Variants in DDX51 observed in about 807,000 individuals in gnomAD.
DDX51 encodes DEAD-box helicase 51.
In DDX51, 67 loss-of-function variants were observed where a neutral mutation model predicts 74.6. The ratio of observed to expected loss-of-function variants is 0.90; its 90% CI spans 0.74 to 1.10. The LOEUF (loss-of-function observed/expected upper bound fraction) is 1.10, where lower values mean the gene tolerates loss of function less well. Among genes scored for constraint, DDX51 ranks in the 50% least tolerant of loss-of-function variants. The probability of loss-of-function intolerance (pLI) is 0.00; values close to 1 mark genes in which losing one functional copy is unlikely to be tolerated. For synonymous variants in DDX51, 545 were observed against 402.9 expected (o/e 1.35, Z -4.22); for missense variants, 1,056 against 905.2 (o/e 1.17, Z -2.14).
chr12:132,140,406 C>G lies in DDX51; in HGVS notation c.1673+17G>C. On this transcript the variant is annotated intron_variant, in intron 11 of 14. Transcript: ENST00000397333. ...ACCCCCACCCCACAGAGGCCTTGCC[C>G]CTGCCCAGGAACTCACAGCTGGATC... 6.2e-7 allele frequency: 1 copy of G among 1,612,630 alleles called. No homozygotes were observed. Among genetic ancestry groups the G allele is most frequent in the South Asian group, 1.1e-5 (1 of 91,054 alleles).
intron 14 of DDX51, 114 bp downstream of exon 14, chr12:132,139,521 C>T (rs777926703): frequency 5.6e-6 from 9 of 1,596,302 alleles, no homozygotes; most frequent in Non-Finnish European, 6.9e-6. Flanking sequence ...CTGTGTGACC[C>T]TCTGTTGCCT....
chr12:132,142,039 C>T (rs928758605), intron 5 of DDX51, 80 bp downstream of exon 5: 4 of 1,601,676 alleles, frequency 2.5e-6, no homozygotes, highest in African/African-American at 2.7e-5. Flanking sequence ...TAATCTGGGT[C>T]CCCCAGGGGC....
Position 132,140,752 on chromosome 12 carries a change from G to A in DDX51, c.1441-17C>T, listed in dbSNP as rs1593419521. ...GTAGTGGTGCTACAGGGACGGCAGG[G>A]GGTCGGGGTGGAGGTGAGGGTTGGT... is the stretch of plus-strand genomic sequence containing the variant. On this transcript the variant is annotated splice_polypyrimidine_tract_variant and intron_variant, in intron 9 of 14. Transcript: ENST00000397333. The A allele has an allele frequency of 1.9e-6, 3 of 1,613,040 alleles. No individual in the cohort carries two copies. Among genetic ancestry groups the A allele is most frequent in the Middle Eastern group, 1.7e-4 (1 of 6,060 alleles).
Position 132,142,287 on chromosome 12 carries a change from G to C in DDX51, c.806C>G (p.Pro269Arg). 6.2e-7 allele frequency: 1 copy of C among 1,613,106 alleles called. No homozygotes were observed. Among genetic ancestry groups the C allele is most frequent in the Non-Finnish European group, 8.5e-7 (1 of 1,179,968 alleles). The stretch of plus-strand genomic sequence containing the variant: ...GACCCTCACACAGACCTGCACCACA[G>C]GGATGACGAAGGCCAGTGTCTTCCC... Reference protein sequence around the residue: ...GSGKTLAFVIPVVQALLSRVV... With the variant: ...GSGKTLAFVIRVVQALLSRVV... Residue 269 changes from proline to arginine, a missense_variant, in exon 4 of 15, where the codon CCT (proline) becomes CGT (arginine). Coordinates refer to ENST00000397333, the MANE Select transcript of DDX51 (RefSeq NM_175066.4).
In DDX51 at chr12:132,139,058, C is replaced by G. The variant is rs1402716319; in HGVS notation, c.*214G>C. 3.1e-6 allele frequency: 2 copies of G among 643,256 alleles called. No homozygotes were observed. Among genetic ancestry groups the G allele is most frequent in the Non-Finnish European group, 5.3e-6 (2 of 379,872 alleles). 39.8% of individuals were successfully genotyped at this position (643,256 alleles called of 1,614,324 possible). A position where few individuals can be genotyped will look rare whatever the true frequency, so the allele number is the denominator to read the frequency against. On this transcript the variant is annotated 3_prime_UTR_variant, in exon 15 of 15. Transcript: ENST00000397333. ...GCCCGCAGCCATCCTGACCTCCACA[C>G]TCTGAAAGTGACAAGCCCTGAAGTC... is the stretch of plus-strand genomic sequence containing the variant.
Position 132,139,782 on chromosome 12 carries a change from T to A in DDX51, c.1840-13A>T. The A allele has an allele frequency of 1.9e-6, 3 of 1,613,030 alleles. No individual in the cohort carries two copies. Among genetic ancestry groups the A allele is most frequent in the Non-Finnish European group, 2.5e-6 (3 of 1,179,898 alleles). On this transcript the variant is annotated splice_polypyrimidine_tract_variant and intron_variant, in intron 13 of 14. Transcript: ENST00000397333. ...GGAATCTCCTCTCCTGGAGAGAAGC[T>A]CATGGTGGAAGGGGGTTCTTGGGCC...
rs192203020 is a variant in DDX51, at chr12:132,139,565, G to C, written c.1974+70C>G. Reference sequence around the variant, plus strand: ...TCCTCTTTTTCCCTCTTTTCTCCACGTGTGGTGACGACGCCCTCTCTGCAA... The same window carrying C: ...TCCTCTTTTTCCCTCTTTTCTCCACCTGTGGTGACGACGCCCTCTCTGCAA... On this transcript the variant is annotated intron_variant, in intron 14 of 14. Transcript: ENST00000397333. 5.0e-6 allele frequency: 8 copies of C among 1,611,114 alleles called. No individual in the cohort carries two copies. The East Asian group carries it at 1.6e-4, about 31-fold the overall frequency.
Position 132,140,446 on chromosome 12 carries a change from C to G in DDX51, c.1650G>C (p.Gln550His), listed in dbSNP as rs370195936. 25 of 1,613,202 alleles carry G rather than the reference C, an allele frequency of 1.5e-5. No homozygotes were observed. The highest frequency in any genetic ancestry group is 1.7e-5 in the Non-Finnish European group (20 of 1,180,038). The change falls in exon 11 of 15, where the codon CAG (glutamine) becomes CAC (histidine). Residue 550 changes from glutamine (Q) to histidine (H), a missense_variant. Physicochemically the swap from Gln to His is conservative, Grantham distance 24. Transcript: ENST00000397333. ...ACAGCTGGATCTTCCCCTGTTCAAA[C>G]TGCTTCAGGATCATCCTCCTCTGGC... ...GPGQRRMILK[Q>H]FEQGKIQLLI...
At position 132,141,844 on chromosome 12, in the gene DDX51, A is replaced by G; in HGVS notation, c.995+6T>C. On this transcript the variant is annotated splice_donor_region_variant and intron_variant, in intron 6 of 14. Coordinates refer to ENST00000397333, the MANE Select transcript of DDX51 (RefSeq NM_175066.4). ...CCTGAAAAACCCGCACCCTGACACAACCTACGTTTTCTGGACGAGGCTCTC... is the reference window on the plus strand; with the variant it reads ...CCTGAAAAACCCGCACCCTGACACAGCCTACGTTTTCTGGACGAGGCTCTC... 1 of 1,612,874 alleles carries G rather than the reference A, an allele frequency of 6.2e-7. No individual in the cohort carries two copies. Among genetic ancestry groups the G allele is most frequent in the Non-Finnish European group, 8.5e-7 (1 of 1,179,858 alleles).
Position 132,142,885 on chromosome 12 carries a change from T to C in DDX51, c.520-7A>G. 6.2e-7 allele frequency: 1 copy of C among 1,612,364 alleles called. No homozygotes were observed. Among genetic ancestry groups the C allele is most frequent in the Non-Finnish European group, 8.5e-7 (1 of 1,179,936 alleles). ...TTGGCAGGAAAGGCTGGACCTGCCATCAAAAAGAAAGAGAGGCCAGGTGAG... is the reference window on the plus strand; with the variant it reads ...TTGGCAGGAAAGGCTGGACCTGCCACCAAAAAGAAAGAGAGGCCAGGTGAG... On this transcript the variant is annotated splice_polypyrimidine_tract_variant and splice_region_variant and intron_variant, in intron 2 of 14. Transcript: ENST00000397333.
At position 132,143,766 on chromosome 12, in the gene DDX51, G is replaced by C; in HGVS notation, c.448C>G (p.Leu150Val). 1 of 1,524,764 alleles carries C rather than the reference G, an allele frequency of 6.6e-7. No homozygotes were observed. Among genetic ancestry groups the C allele is most frequent in the Non-Finnish European group, 8.8e-7 (1 of 1,139,774 alleles). The allele number at this position is 1,524,764 out of a possible 1,614,324, so 94.5% of individuals were successfully genotyped here. A position where few individuals can be genotyped will look rare whatever the true frequency, so the allele number is the denominator to read the frequency against. ...SAEAAPDGPA[L>V]EEAAGPLVPG... ...ACCAGGGGTCCGGCCGCCTCCTCCA[G>C]GGCCGGTCCATCTGGGGCCGCCTCG... Residue 150 changes from leucine to valine, a missense_variant, in exon 2 of 15, where the codon CTG becomes GTG. Coordinates refer to ENST00000397333, the MANE Select transcript of DDX51 (RefSeq NM_175066.4).
Position 132,139,618 on chromosome 12 carries a change from G to T in DDX51, c.1974+17C>A, listed in dbSNP as rs1897368582. 2 of 1,613,120 alleles carry T rather than the reference G, an allele frequency of 1.2e-6. No homozygotes were observed. The highest frequency in any genetic ancestry group is 2.7e-5 in the African/African-American group (2 of 75,064). ...GCCCTCCCCAGAGGGTTTCATGCCG[G>T]ACTCTGGTGCCCTTACCTTGACAGA... On this transcript the variant is annotated intron_variant, in intron 14 of 14. Coordinates refer to ENST00000397333, the MANE Select transcript of DDX51 (RefSeq NM_175066.4).
In DDX51 at chr12:132,138,894, A is replaced by C; in HGVS notation, c.*378T>G. 4.4e-6 allele frequency: 1 copy of C among 227,426 alleles called. No individual in the cohort carries two copies. Among genetic ancestry groups the C allele is most frequent in the Non-Finnish European group, 8.6e-6 (1 of 116,202 alleles). The allele number at this position is 227,426 out of a possible 1,614,324, so 14.1% of individuals were successfully genotyped here. ...TGGCCTCCCAAAGTGCTGGAATTAC[A>C]GGCATGAGCCACCATGCCTGGCCAA... On this transcript the variant is annotated 3_prime_UTR_variant, in exon 15 of 15. Coordinates refer to ENST00000397333, the MANE Select transcript of DDX51 (RefSeq NM_175066.4).
rs966367316 is a variant in DDX51 at position 132,136,688 on chromosome 12, G to A, written c.*2584C>T. Reference sequence around the variant, plus strand: ...GCTAAGTTGTAGTAAAGATGTCAAGGTTTCTTTTTTTTCTGTCGCCAGGCT... The same window carrying A: ...GCTAAGTTGTAGTAAAGATGTCAAGATTTCTTTTTTTTCTGTCGCCAGGCT... On this transcript the variant is annotated 3_prime_UTR_variant, in exon 15 of 15. Transcript: ENST00000397333. 5 of 152,282 alleles carry A rather than the reference G, an allele frequency of 3.3e-5. No individual in the cohort carries two copies. Among genetic ancestry groups the A allele is most frequent in the Admixed American group, 6.6e-5 (1 of 15,260 alleles). The allele number at this position is 152,282 out of a possible 1,614,324, so 9.4% of individuals were successfully genotyped here.
At chr12:132,142,650 G>T in intron 3 of DDX51, 78 bp downstream of exon 3, 2 of 1,571,420 alleles carry the variant, frequency 1.3e-6, no homozygotes, top group South Asian at 1.2e-5. Context: ...AGGGACGCCT[G>T]ACCCACGGCC....
In DDX51 at chr12:132,136,778, C is replaced by T. The variant is rs561755375; in HGVS notation, c.*2494G>A. The T allele has an allele frequency of 2.1e-4, 32 of 152,432 alleles. No homozygotes were observed. Among genetic ancestry groups the T allele is most frequent in the Admixed American group, 1.8e-3 (28 of 15,304 alleles). 9.4% of individuals were successfully genotyped at this position (152,432 alleles called of 1,614,324 possible). A position where few individuals can be genotyped will look rare whatever the true frequency, so the allele number is the denominator to read the frequency against. On this transcript the variant is annotated 3_prime_UTR_variant, in exon 15 of 15. Transcript: ENST00000397333. ...CCTCCCGGGCAAGTGATTCTCCTGC[C>T]TCAGCCTCTTGAGTAGTTGGGACTC... is the stretch of plus-strand genomic sequence containing the variant.
chr12:132,143,609 G>A (rs1352246318), intron 2 of DDX51, 86 bp downstream of exon 2: 2 of 1,489,808 alleles, frequency 1.3e-6, no homozygotes. Context: ...TTCGCTGAAC[G>A]AAATCTTCCG....
In DDX51 at chr12:132,138,188, G is replaced by C. The variant is rs893105228; in HGVS notation, c.*1084C>G. 6.6e-6 allele frequency: 1 copy of C among 152,374 alleles called. No homozygotes were observed. The highest frequency in any genetic ancestry group is 2.4e-5 in the African/African-American group (1 of 41,476). 9.4% of individuals were successfully genotyped at this position (152,374 alleles called of 1,614,324 possible). ...GGGGTGTACAAGGTGCATAGGAGAG[G>C]AAGTGCTGGGTCATGAGTGACTCTG... On this transcript the variant is annotated 3_prime_UTR_variant, in exon 15 of 15. Coordinates refer to ENST00000397333, the MANE Select transcript of DDX51 (RefSeq NM_175066.4).
Position 132,144,251 on chromosome 12 carries a change from C to T in DDX51, c.46G>A (p.Ala16Thr). 2 of 1,238,028 alleles carry T rather than the reference C, an allele frequency of 1.6e-6. No individual in the cohort carries two copies. The highest frequency in any genetic ancestry group is 2.0e-6 in the Non-Finnish European group (2 of 991,230). 76.7% of individuals were successfully genotyped at this position (1,238,028 alleles called of 1,614,324 possible). ...TCCGCGCCCTCCGGCCCCGCCGCAG[C>T]TGCCGCATCGGGGCCCGGGTACCGC... ...VARYPGPDAA[A>T]AAGPEGAEAG... The change falls in exon 1 of 15, where the codon GCT (alanine) becomes ACT (threonine). Residue 16 changes from alanine (A) to threonine (T), a missense_variant. Ala to Thr is a moderately conservative substitution (Grantham distance 58). Transcript: ENST00000397333.
Sources: gnomAD v4.1 joint callset for allele counts on GRCh38, gnomAD v4.1.1 for gene constraint, MANE v1.5 for transcripts, NCBI Gene and HGNC (gene_info 2026-07-23, HGNC 2026-07-21) for gene names.